Variants in ABLIM1 observed in about 807,000 individuals in gnomAD.
ABLIM1 encodes the protein actin binding LIM protein 1, also known as actin-binding LIM protein 1.
Under a neutral mutation model 107.0 loss-of-function variants are expected in ABLIM1, and 40 were observed. That is an observed-to-expected ratio of 0.37 (90% CI 0.29 to 0.49). The LOEUF (loss-of-function observed/expected upper bound fraction) is 0.49, where lower values mean the gene tolerates loss of function less well. ABLIM1 is among the 20% of genes least tolerant of loss of function. The pLI, the probability that ABLIM1 is intolerant of heterozygous loss-of-function variation, is 0.97. For missense variants in ABLIM1, 857 were observed against 1,008.5 expected, an observed-to-expected ratio of 0.85 and a Z score of 2.04; for synonymous variants, 357 against 357.3, an observed-to-expected ratio of 1.00 and a Z score of 0.01.
At chr10:114,478,120 G>C (rs1416005431) in intron 8 of ABLIM1, among the ~76,000 whole-genome samples, 3 of 152,104 alleles carry the variant, frequency 2.0e-5, no homozygotes, top group Non-Finnish European at 4.4e-5. Flanking sequence ...ATACTGTTGA[G>C]CTAAAGATTT....
chr10:114,445,461 G>A (rs769137038), intron 15 of ABLIM1, 58 bp from the exon 16 acceptor site: 63 of 1,416,934 alleles, frequency 4.4e-5, no homozygotes, highest in Admixed American at 2.2e-4. Context: ...GAATCTTAAC[G>A]GGCTAGTCCA....
intron 6 of ABLIM1, among the ~76,000 whole-genome samples, chr10:114,510,574 T>C (rs1211504940): frequency 6.6e-6 from 1 of 152,018 alleles, no homozygotes; most frequent in African/African-American, 2.4e-5. Context: ...TATAAAATAG[T>C]CTATTTCATA....
chr10:114,688,450 C>A (rs537522127), upstream of ABLIM1, among the ~76,000 whole-genome samples: 4 of 152,138 alleles, frequency 2.6e-5, no homozygotes, highest in South Asian at 8.3e-4. Flanking sequence ...ATTATAAGCC[C>A]AAATCATTGG....
intron 6 of ABLIM1, among the ~76,000 whole-genome samples, chr10:114,506,353 T>C (rs1020763093): frequency 5.3e-5 from 8 of 152,190 alleles, no homozygotes; most frequent in African/African-American, 1.9e-4. Flanking sequence ...GATAGAATGA[T>C]TTATTTTTCT....
the ABLIM1 span, among the ~76,000 whole-genome samples, chr10:114,774,824 C>G: frequency 5.1e-4 from 77 of 152,080 alleles, no homozygotes; most frequent in Admixed American, 1.8e-3. Context: ...ACAAGGGAAC[C>G]AAGGCGGAGA....
At chr10:114,552,397 G>A (rs183143630) in intron 4 of ABLIM1, among the ~76,000 whole-genome samples, 60 of 151,842 alleles carry the variant, frequency 4.0e-4, no homozygotes, top group Admixed American at 2.6e-3. Context: ...TATTGCCAAC[G>A]TCAGAAGTAG....
intron 1 of ABLIM1, among the ~76,000 whole-genome samples, chr10:114,650,458 C>T (rs985657556): frequency 2.6e-5 from 4 of 152,144 alleles, no homozygotes; most frequent in African/African-American, 4.8e-5. Context: ...TTAATTAAAA[C>T]GAATGGGGCA....
intron 1 of ABLIM1, among the ~76,000 whole-genome samples, chr10:114,621,493 G>A (rs943556370): frequency 1.3e-4 from 20 of 152,180 alleles, no homozygotes; most frequent in Admixed American, 6.5e-5. Context: ...TTACTATGGA[G>A]CAGACACTGT....
chr10:114,741,124 T>C (rs1427762153), intron 1 of ABLIM1, among the ~76,000 whole-genome samples: 2 of 151,084 alleles, frequency 1.3e-5, no homozygotes, highest in African/African-American at 4.9e-5. Context: ...GATACTGTCT[T>C]AAGTACTTCG....
At chr10:114,584,693 C>G (rs927565107) in intron 2 of ABLIM1, among the ~76,000 whole-genome samples, 1 of 152,158 alleles carries the variant, frequency 6.6e-6, no homozygotes, top group African/African-American at 2.4e-5. Flanking sequence ...TTCACATTAA[C>G]TTCTAAATTC....
chr10:114,571,488 G>A (rs972700370), intron 3 of ABLIM1, 82 bp from the exon 4 acceptor site: 17 of 1,347,864 alleles, frequency 1.3e-5, no homozygotes, highest in African/African-American at 1.0e-4. Flanking sequence ...GCTGCCCTCC[G>A]GTGCCCATTT....
chr10:114,741,517 G>T (rs113538280), intron 1 of ABLIM1, among the ~76,000 whole-genome samples: 1 of 151,918 alleles, frequency 6.6e-6, no homozygotes, highest in Non-Finnish European at 1.5e-5. Flanking sequence ...GAGCCACCTC[G>T]CCTGGCCAGC....
At chr10:114,719,545 T>C (rs1174229472) in intron 1 of ABLIM1, among the ~76,000 whole-genome samples, 1 of 152,230 alleles carries the variant, frequency 6.6e-6, no homozygotes, top group Non-Finnish European at 1.5e-5. Flanking sequence ...ATTCGTGACC[T>C]TTGGATGGCT....
At chr10:114,651,494 G>A (rs2079239984) in intron 1 of ABLIM1, among the ~76,000 whole-genome samples, 1 of 152,170 alleles carries the variant, frequency 6.6e-6, no homozygotes, top group Non-Finnish European at 1.5e-5. Flanking sequence ...CATACAAAGA[G>A]AGGCCCAACG....
Position 114,602,029 on chromosome 10 carries a change from T to C in ABLIM1, c.245-68A>G. 3.8e-6 allele frequency: 6 copies of C among 1,595,156 alleles called. No homozygotes were observed. The South Asian group carries it at 5.6e-5, about 15-fold the overall frequency. On this transcript the variant is annotated intron_variant, in intron 1 of 22. Coordinates refer to ENST00000533213, the MANE Select transcript of ABLIM1 (RefSeq NM_002313.7). ...TCCTGCAAAAGGGGTCATCATGGTA[T>C]CTCTGTAATTTTGGTGTCAAATGAG...
In ABLIM1 at chr10:114,473,132, C is replaced by T. The variant is rs1003206870; in HGVS notation, c.1120G>A (p.Ala374Thr). ...IPGSPGHTIY[A>T]KVDNEILDYK... ...TCCAGGATCTCATTGTCTACTTTTG[C>T]CTGGCAAAGTTAACCAGAAAGAACA... The change falls in exon 10 of 23, where the codon GCA becomes ACA. Residue 374 changes from alanine to threonine, a missense_variant and splice_region_variant. This residue lies in a region of ABLIM1 where 381 missense variants were observed against 506.9 expected (regional missense o/e 0.75). Transcript: ENST00000533213. The T allele has an allele frequency of 6.2e-7, 1 of 1,605,490 alleles. No homozygotes were observed. Among genetic ancestry groups the T allele is most frequent in the Non-Finnish European group, 8.5e-7 (1 of 1,175,070 alleles).
intron 6 of ABLIM1, among the ~76,000 whole-genome samples, chr10:114,519,994 A>G (rs1057319345): frequency 4.6e-5 from 7 of 152,186 alleles, no homozygotes; most frequent in African/African-American, 1.4e-4. Context: ...TGTCATCTGG[A>G]GTTGTCCTGT....
chr10:114,529,340 G>T (rs752056984), intron 6 of ABLIM1, among the ~76,000 whole-genome samples: 22 of 152,030 alleles, frequency 1.4e-4, no homozygotes, highest in Non-Finnish European at 2.9e-5. Context: ...GGCCAGGATG[G>T]TCTCGATCTC....
Position 114,470,299 on chromosome 10 carries a change from C to CGTAGTCTCA in ABLIM1, c.1276-2092_1276-2084dup, listed in dbSNP as rs549597765. On this transcript the variant is annotated intron_variant, in intron 10 of 22. Coordinates refer to ENST00000533213, the MANE Select transcript of ABLIM1 (RefSeq NM_002313.7). ...TTAGCCCAGCATGGTGGCACATGCC[C>CGTAGTCTCA]GTAGTCTCAGCTACTTGGGAAGCTG... 2.6e-3 allele frequency among the ~76,000 whole-genome samples: 393 copies of CGTAGTCTCA among 151,712 alleles called. 1 individual carries two copies. Among genetic ancestry groups the CGTAGTCTCA allele is most frequent in the African/African-American group, 8.9e-3 (368 of 41,378 alleles).
Sources: gnomAD v4.1 joint callset for allele counts (sites outside exome capture counted in the v4.1 genomes callset) on GRCh38, gnomAD v4.1.1 for gene constraint, gnomAD v4.1.1 regional missense constraint, MANE v1.5 for transcripts, NCBI Gene and HGNC (gene_info 2026-07-23, HGNC 2026-07-21) for gene names.